The following ANKS6 variants were observed in gnomAD, a reference collection of about 807,000 sequenced individuals.
The protein encoded by ANKS6 is ankyrin repeat and sterile alpha motif domain containing 6.
Under a neutral mutation model 77.9 loss-of-function variants are expected in ANKS6, and 47 were observed. The ratio of observed to expected loss-of-function variants is 0.60; its 90% CI spans 0.48 to 0.77. ANKS6 has a LOEUF of 0.77. Among genes scored for constraint, ANKS6 ranks in the 30% least tolerant of loss-of-function variants. The probability of loss-of-function intolerance (pLI) is 0.00; values close to 1 mark genes in which losing one functional copy is unlikely to be tolerated. For missense variants in ANKS6, 1,150 were observed against 1,159.1 expected (o/e 0.99, Z 0.11); for synonymous variants, 488 against 501.7 (o/e 0.97, Z 0.37).
Position 98,778,260 on chromosome 9 carries a change from T to G in ANKS6, c.1533A>C (p.Ala511=), listed in dbSNP as rs200743968. ...TGGTCACAGGGGCCGCATCAGGGAG[T>G]GCAGAGCGGCTTGTCTTGTCCTGGG... is the stretch of plus-strand genomic sequence containing the variant. ...AAPQDKTSRS[A]LPDAAPVTKD... The change falls in exon 7 of 15, where the codon GCA becomes GCC. Residue 511 remains alanine (A), a synonymous_variant. Transcript: ENST00000353234. 1.2e-3 allele frequency: 1,861 copies of G among 1,613,952 alleles called. 6 individuals carry two copies. Among genetic ancestry groups the G allele is most frequent in the Non-Finnish European group, 1.1e-3 (1,311 of 1,180,026 alleles).
At chr9:98,787,347 C>T (rs1292093781) in intron 2 of ANKS6, among the ~76,000 whole-genome samples, 3 of 151,554 alleles carry the variant, frequency 2.0e-5, no homozygotes, top group African/African-American at 7.3e-5. Context: ...CCCAGCTTTG[C>T]CACACCCAAC....
intron 4 of ANKS6, among the ~76,000 whole-genome samples, chr9:98,782,866 T>C (rs1205907999): frequency 2.0e-5 from 3 of 152,234 alleles, no homozygotes; most frequent in Middle Eastern, 3.4e-3. Context: ...GAGGATCACT[T>C]GAGCCCAGGA....
intron 3 of ANKS6, 126 bp downstream of exon 3, chr9:98,784,706 A>C (rs1834468251): frequency 5.5e-6 from 5 of 909,936 alleles, no homozygotes; most frequent in Non-Finnish European, 6.8e-6. Flanking sequence ...TCCAAACACC[A>C]AACACCAAAA....
chr9:98,767,997 GCACTGCC>G, intron 11 of ANKS6, 77 bp downstream of exon 11: 2 of 1,491,828 alleles, frequency 1.3e-6, no homozygotes, highest in South Asian at 2.6e-5. Flanking sequence ...CATGACTAAG[GCACTGCC>G]CATGCTTCCC....
At chr9:98,777,199 C>T (rs1833961537) in intron 8 of ANKS6, among the ~76,000 whole-genome samples, 1 of 152,204 alleles carries the variant, frequency 6.6e-6, no homozygotes, top group African/African-American at 2.4e-5. Context: ...AGCGGGTGAG[C>T]ACCAGCACAG....
intron 14 of ANKS6, among the ~76,000 whole-genome samples, chr9:98,739,057 A>G (rs559617310): frequency 6.6e-6 from 1 of 151,578 alleles, no homozygotes; most frequent in Admixed American, 6.6e-5. Flanking sequence ...TGTAAGTGGG[A>G]GCTAAGCTAG....
At chr9:98,761,416 T>C (rs2117965438) in intron 11 of ANKS6, among the ~76,000 whole-genome samples, 1 of 152,314 alleles carries the variant, frequency 6.6e-6, no homozygotes, top group Non-Finnish European at 1.5e-5. Context: ...ACCACAGATA[T>C]GAGCCACTGC....
intron 9 of ANKS6, 44 bp downstream of exon 9, chr9:98,773,833 T>G: frequency 3.5e-6 from 5 of 1,446,058 alleles, no homozygotes; most frequent in East Asian, 2.5e-5. Context: ...ATGATCTCAG[T>G]GAGCAGTGAG....
rs748051310 is a variant in ANKS6 at position 98,773,892 on chromosome 9, G to A, written c.1806C>T (p.Gly602=). 3.8e-5 allele frequency: 60 copies of A among 1,563,986 alleles called. No homozygotes were observed. In the South Asian group the frequency reaches 4.7e-4, roughly 12 times the overall value. Residue 602 remains glycine (G), a synonymous_variant, in exon 9 of 15, where the codon GGC becomes GGT. Coordinates refer to ENST00000353234, the MANE Select transcript of ANKS6 (RefSeq NM_173551.5). Reference sequence around the variant, plus strand: ...GACAACTTACAGTGTCTGTGCCCCCGCCGCCCACGGGGTGGCCCCTGCTGG... The same window carrying A: ...GACAACTTACAGTGTCTGTGCCCCCACCGCCCACGGGGTGGCCCCTGCTGG... ...QRASRGHPVG[G]GGTDTTPVRP...
intron 12 of ANKS6, among the ~76,000 whole-genome samples, chr9:98,754,959 G>C (rs1003524445): frequency 2.0e-5 from 3 of 152,088 alleles, no homozygotes; most frequent in African/African-American, 7.2e-5. Context: ...GAATCTCTAG[G>C]GGCTTCAATT....
Position 98,796,159 on chromosome 9 carries a change from G to T in ANKS6, c.333C>A (p.Gly111=). The change falls in exon 1 of 15, where the codon GGC becomes GGA. Residue 111 remains glycine, a synonymous_variant. Transcript: ENST00000353234. ...GASVNSRNHY[G]WSALMQAARF... The stretch of plus-strand genomic sequence containing the variant: ...TGGCCGCCTGCATGAGCGCGCTCCA[G>T]CCGTAGTGGTTGCGGCTGTTGACCG... The T allele has an allele frequency of 7.1e-7, 1 of 1,411,898 alleles. No individual in the cohort carries two copies. Among genetic ancestry groups the T allele is most frequent in the East Asian group, 3.1e-5 (1 of 32,644 alleles). 87.5% of individuals were successfully genotyped at this position (1,411,898 alleles called of 1,614,324 possible).
chr9:98,792,406 C>T (rs1243864641), intron 1 of ANKS6, among the ~76,000 whole-genome samples: 1 of 152,194 alleles, frequency 6.6e-6, no homozygotes, highest in Non-Finnish European at 1.5e-5. Context: ...AAGGACAGGA[C>T]AGGGTTCCAC....
intron 2 of ANKS6, among the ~76,000 whole-genome samples, chr9:98,787,161 C>T (rs1480982817): frequency 1.3e-5 from 2 of 152,142 alleles, no homozygotes; most frequent in Non-Finnish European, 2.9e-5. Context: ...AGAGCTGGGG[C>T]TCCTATTATT....
chr9:98,787,465 T>C (rs1370500496), intron 2 of ANKS6, among the ~76,000 whole-genome samples: 1 of 151,954 alleles, frequency 6.6e-6, no homozygotes, highest in African/African-American at 2.4e-5. Context: ...TCTCCCCTTA[T>C]CAAGGCCAAG....
chr9:98,778,357 A>G lies in ANKS6; in HGVS notation c.1436T>C (p.Leu479Pro), dbSNP rs1226775964. 6.2e-7 allele frequency: 1 copy of G among 1,614,070 alleles called. No homozygotes were observed. Among genetic ancestry groups the G allele is most frequent in the Admixed American group, 1.7e-5 (1 of 60,008 alleles). ...GAAAGGCAAAGGCTGGTTGCTGGAC[A>G]GCCCACGGGGCAGCGTCTGCATCAG... ...LKLMQTLPRG[L>P]SSNQPLPFSD... Residue 479 changes from leucine (L) to proline (P), a missense_variant, in exon 7 of 15, where the codon CTG (leucine) becomes CCG (proline). Physicochemically the swap from Leu to Pro is moderately conservative, Grantham distance 98. Transcript: ENST00000353234.
At position 98,732,148 on chromosome 9, in the gene ANKS6, C is replaced by T. The variant is rs1462191151; in HGVS notation, c.*4371G>A. ...GCGACAGGATGGTGCTTCACAGTGC[C>T]TCCTGCTGATGGCACCTTCATTCTG... On this transcript the variant is annotated 3_prime_UTR_variant, in exon 15 of 15. Coordinates refer to ENST00000353234, the MANE Select transcript of ANKS6 (RefSeq NM_173551.5). 2.2e-5 allele frequency: 7 copies of T among 319,990 alleles called. No homozygotes were observed. In the South Asian group the frequency reaches 3.0e-4, roughly 14 times the overall value. The allele number at this position is 319,990 out of a possible 1,614,324, so 19.8% of individuals were successfully genotyped here. A position where few individuals can be genotyped will look rare whatever the true frequency, so the allele number is the denominator to read the frequency against.
At chr9:98,779,842 T>G (rs1201332273) in intron 6 of ANKS6, among the ~76,000 whole-genome samples, 1 of 152,058 alleles carries the variant, frequency 6.6e-6, no homozygotes, top group Non-Finnish European at 1.5e-5. Flanking sequence ...TTTTGTATTT[T>G]TAGTAGAGAC....
At chr9:98,744,511 T>A (rs1832015100) in intron 14 of ANKS6, among the ~76,000 whole-genome samples, 1 of 152,216 alleles carries the variant, frequency 6.6e-6, no homozygotes, top group South Asian at 2.1e-4. Flanking sequence ...TTGGGCTGTC[T>A]ACAGGACTGA....
chr9:98,776,734 C>T (rs1013239667), intron 8 of ANKS6, among the ~76,000 whole-genome samples: 1 of 152,142 alleles, frequency 6.6e-6, no homozygotes, highest in African/African-American at 2.4e-5. Context: ...CTGGCATGTG[C>T]CCATGGCTAC....
Sources: gnomAD v4.1 joint callset for allele counts (sites outside exome capture counted in the v4.1 genomes callset) on GRCh38, gnomAD v4.1.1 for gene constraint, MANE v1.5 for transcripts, NCBI Gene and HGNC (gene_info 2026-07-23, HGNC 2026-07-21) for gene names.